Variants in NRG3 observed in about 807,000 individuals in gnomAD.
NRG3 encodes the protein neuregulin 3.
NRG3 carries 31 observed loss-of-function variants against 66.9 expected under a neutral mutation model. The ratio of observed to expected loss-of-function variants is 0.46; its 90% CI spans 0.35 to 0.63. NRG3 has a LOEUF of 0.63. Among genes scored for constraint, NRG3 ranks in the 20% least tolerant of loss-of-function variants. The probability of loss-of-function intolerance (pLI) is 0.00; values close to 1 mark genes in which losing one functional copy is unlikely to be tolerated. For missense variants in NRG3, 910 were observed against 878.9 expected (o/e 1.04, Z -0.45); for synonymous variants, 393 against 359.4 (o/e 1.09, Z -1.06).
chr10:82,908,815 A>C (rs531364596), intron 4 of NRG3, among the ~76,000 whole-genome samples: 5 of 148,666 alleles, frequency 3.4e-5, no homozygotes, highest in Non-Finnish European at 7.4e-5. Flanking sequence ...GTGTTTGGAC[A>C]TACTCTGGGA....
chr10:82,198,374 A>G (rs568770409), intron 1 of NRG3, among the ~76,000 whole-genome samples: 86 of 152,362 alleles, frequency 5.6e-4, no homozygotes, highest in African/African-American at 2.0e-3. Context: ...GGTTTAAAAC[A>G]AGAGAATCAC....
At chr10:82,228,504 A>G (rs1405298578) in intron 1 of NRG3, among the ~76,000 whole-genome samples, 2 of 152,186 alleles carry the variant, frequency 1.3e-5, no homozygotes, top group Admixed American at 6.5e-5. Flanking sequence ...CCATGGATAA[A>G]CAACATAACT....
intron 2 of NRG3, among the ~76,000 whole-genome samples, chr10:82,388,317 G>T (rs919029223): frequency 2.0e-5 from 3 of 152,130 alleles, no homozygotes; most frequent in Non-Finnish European, 4.4e-5. Flanking sequence ...AAGGTAAAAT[G>T]TAACTATTTA....
In NRG3 at chr10:82,552,054, C is replaced by G. The variant is rs181603776; in HGVS notation, c.954-186523C>G. Reference sequence around the variant, plus strand: ...TGCAGTCTCTCTGAATCCAGCCAGGCCTTCATGACTTTAGCAGGACTGTAG... The same window carrying G: ...TGCAGTCTCTCTGAATCCAGCCAGGGCTTCATGACTTTAGCAGGACTGTAG... On this transcript the variant is annotated intron_variant, in intron 2 of 8. Coordinates refer to ENST00000372141, the MANE Select transcript of NRG3 (RefSeq NM_001010848.4). 4.6e-5 allele frequency among the ~76,000 whole-genome samples: 7 copies of G among 152,188 alleles called. No homozygotes were observed. The East Asian group carries it at 1.4e-3, about 29-fold the overall frequency.
At chr10:82,562,453 A>G (rs374970140) in intron 2 of NRG3, among the ~76,000 whole-genome samples, 6 of 152,176 alleles carry the variant, frequency 3.9e-5, no homozygotes, top group African/African-American at 1.4e-4. Flanking sequence ...CATTCTAATC[A>G]CTATGATATA....
intron 2 of NRG3, among the ~76,000 whole-genome samples, chr10:82,365,629 T>C (rs1187464881): frequency 6.6e-6 from 1 of 152,204 alleles, no homozygotes; most frequent in Non-Finnish European, 1.5e-5. Context: ...GTGGTTTACC[T>C]CTTCTAATTC....
At chr10:82,971,381 A>G (rs1407251408) in intron 6 of NRG3, among the ~76,000 whole-genome samples, 1 of 151,968 alleles carries the variant, frequency 6.6e-6, no homozygotes, top group Non-Finnish European at 1.5e-5. Context: ...ATAGGTAATT[A>G]AGTTATGACA....
intron 1 of NRG3, among the ~76,000 whole-genome samples, chr10:81,913,018 C>T (rs1845315470): frequency 6.6e-6 from 1 of 152,120 alleles, no homozygotes; most frequent in Admixed American, 6.5e-5. Context: ...ATTAATGTCC[C>T]CTAGTTTTAA....
intron 2 of NRG3, among the ~76,000 whole-genome samples, chr10:82,560,350 G>A (rs553657684): frequency 6.6e-6 from 1 of 151,392 alleles, no homozygotes; most frequent in East Asian, 2.0e-4. Flanking sequence ...TTCAGGCTAT[G>A]TTTTATTTCT....
At chr10:82,608,220 G>C (rs564879009) in intron 2 of NRG3, among the ~76,000 whole-genome samples, 1 of 152,200 alleles carries the variant, frequency 6.6e-6, no homozygotes, top group South Asian at 2.1e-4. Context: ...TGGGTTTTTT[G>C]TTTCAGCACT....
Position 82,699,857 on chromosome 10 carries a change from C to CTG in NRG3, c.954-38697_954-38696dup, listed in dbSNP as rs59381778. ...AAACATTTGTGCATATATGGATGAT[C>CTG]TGTGTGTGTGTGTGTGTGTGTGTGC... On this transcript the variant is annotated intron_variant, in intron 2 of 8. Transcript: ENST00000372141. Among the ~76,000 whole-genome samples the CTG allele has an allele frequency of 8.5e-3, 1,276 of 149,606 alleles. 14 individuals carry two copies. The highest frequency in any genetic ancestry group is 0.014 in the South Asian group (65 of 4,724).
intron 1 of NRG3, among the ~76,000 whole-genome samples, chr10:82,225,174 G>A (rs2076109595): frequency 6.6e-6 from 1 of 152,154 alleles, no homozygotes; most frequent in Non-Finnish European, 1.5e-5. Context: ...AAATGCTAAT[G>A]TGGGGAAATA....
chr10:82,678,642 T>A (rs2053888669), intron 2 of NRG3, among the ~76,000 whole-genome samples: 1 of 152,186 alleles, frequency 6.6e-6, no homozygotes, highest in Non-Finnish European at 1.5e-5. Context: ...GACAACTGCC[T>A]GACCATCACC....
chr10:82,863,704 G>A (rs2064264420), intron 3 of NRG3, among the ~76,000 whole-genome samples: 1 of 152,108 alleles, frequency 6.6e-6, no homozygotes, highest in South Asian at 2.1e-4. Context: ...TGATGGGGTT[G>A]TACAAACTTT....
intron 2 of NRG3, among the ~76,000 whole-genome samples, chr10:82,579,798 T>G (rs2046244294): frequency 6.6e-6 from 1 of 151,998 alleles, no homozygotes; most frequent in Non-Finnish European, 1.5e-5. Flanking sequence ...ATTCTGCATT[T>G]GTGGCCATGG....
chr10:82,917,452 T>C (rs770735184), intron 4 of NRG3, among the ~76,000 whole-genome samples: 68 of 152,228 alleles, frequency 4.5e-4, no homozygotes, highest in Non-Finnish European at 8.7e-4. Context: ...TTCCTGCCCC[T>C]GTGCAGAGCC....
At chr10:82,296,085 G>A (rs564301155) in intron 1 of NRG3, among the ~76,000 whole-genome samples, 18 of 152,256 alleles carry the variant, frequency 1.2e-4, no homozygotes, top group African/African-American at 4.3e-4. Flanking sequence ...AGTATCTAAA[G>A]GATGAGCATG....
At chr10:82,622,497 C>A (rs1196734211) in intron 2 of NRG3, among the ~76,000 whole-genome samples, 14 of 152,186 alleles carry the variant, frequency 9.2e-5, no homozygotes, top group African/African-American at 3.4e-4. Flanking sequence ...AAATTATACA[C>A]GCACAGACGG....
intron 2 of NRG3, among the ~76,000 whole-genome samples, chr10:82,361,091 C>G (rs1354751298): frequency 6.6e-6 from 1 of 152,176 alleles, no homozygotes. Flanking sequence ...TAGATAAATT[C>G]AGTCCATAAC....
Sources: gnomAD v4.1 joint callset for allele counts (sites outside exome capture counted in the v4.1 genomes callset) on GRCh38, gnomAD v4.1.1 for gene constraint, MANE v1.5 for transcripts, NCBI Gene and HGNC (gene_info 2026-07-23, HGNC 2026-07-21) for gene names.